The following THSD7B variants were observed in gnomAD, a reference collection of about 807,000 sequenced individuals.
The protein encoded by THSD7B is thrombospondin type-1 domain-containing protein 7B.
Under a neutral mutation model 213.6 loss-of-function variants are expected in THSD7B, and 138 were observed. That is an observed-to-expected ratio of 0.65 (90% CI 0.56 to 0.74). The LOEUF (loss-of-function observed/expected upper bound fraction) is 0.74, where lower values mean the gene tolerates loss of function less well. Ranked by LOEUF, THSD7B falls within the 30% of genes least tolerant of loss-of-function variation. The pLI is 0.00. For missense variants in THSD7B, 1,931 were observed against 1,991.5 expected (o/e 0.97, Z 0.58); for synonymous variants, 742 against 687.0 (o/e 1.08, Z -1.25).
rs756813547 is a variant in THSD7B, at chr2:137,450,813, AG to A, written c.2960-31del. The A allele has an allele frequency of 1.5e-5, 23 of 1,510,742 alleles. No homozygotes were observed. The East Asian group carries it at 5.1e-4, about 34-fold the overall frequency. 93.6% of individuals were successfully genotyped at this position (1,510,742 alleles called of 1,614,324 possible). A position where few individuals can be genotyped will look rare whatever the true frequency, so the allele number is the denominator to read the frequency against. On this transcript the variant is annotated intron_variant, in intron 14 of 27. Transcript: ENST00000409968. ...TGAATTTGATCAGTACATTTTAATCAGACTTTCTTCTCTTAAATCTTTTTCT... is the reference window on the plus strand; with the variant it reads ...TGAATTTGATCAGTACATTTTAATCAACTTTCTTCTCTTAAATCTTTTTCT...
At chr2:137,368,683 T>C (rs1252506510) in intron 12 of THSD7B, among the ~76,000 whole-genome samples, 1 of 152,180 alleles carries the variant, frequency 6.6e-6, no homozygotes, top group Non-Finnish European at 1.5e-5. Flanking sequence ...TGTGATCTAA[T>C]TTCCACAATT....
At chr2:137,206,912 A>AT (rs1474751844) in intron 7 of THSD7B, among the ~76,000 whole-genome samples, 1 of 152,094 alleles carries the variant, frequency 6.6e-6, no homozygotes, top group Non-Finnish European at 1.5e-5. Context: ...ATAAGGAAGG[A>AT]TTTCATCTAA....
At chr2:137,437,114 A>G (rs1687311093) in intron 14 of THSD7B, among the ~76,000 whole-genome samples, 1 of 152,074 alleles carries the variant, frequency 6.6e-6, no homozygotes. Context: ...TTTTTCCCAG[A>G]TCATCTTTTG....
chr2:137,058,383 C>T (rs1687207991), intron 3 of THSD7B, among the ~76,000 whole-genome samples: 1 of 152,112 alleles, frequency 6.6e-6, no homozygotes. Flanking sequence ...ATATTCCGTA[C>T]TGTATTGCTG....
At chr2:137,644,292 C>A (rs1415317092) in intron 21 of THSD7B, among the ~76,000 whole-genome samples, 1 of 152,110 alleles carries the variant, frequency 6.6e-6, no homozygotes, top group Non-Finnish European at 1.5e-5. Flanking sequence ...CTTCAATAAA[C>A]AAGTCTATAG....
At chr2:136,775,607 G>A (rs942101872) in intron 1 of THSD7B, among the ~76,000 whole-genome samples, 2 of 152,072 alleles carry the variant, frequency 1.3e-5, no homozygotes, top group African/African-American at 4.8e-5. Context: ...TATGGGAGGT[G>A]GGAAGTGGAG....
chr2:137,206,562 AG>A lies in THSD7B; in HGVS notation c.1724-24481del. 2.0e-5 allele frequency among the ~76,000 whole-genome samples: 3 copies of A among 152,194 alleles called. No individual in the cohort carries two copies. The East Asian group carries it at 5.8e-4, about 30-fold the overall frequency. On this transcript the variant is annotated intron_variant, in intron 7 of 27. Transcript: ENST00000409968. Reference sequence around the variant, plus strand: ...TGAATCCTAGTATCAGCATTTTAAAAGAGATCCCCAGGTGATTCTAATATGC... The same window carrying A: ...TGAATCCTAGTATCAGCATTTTAAAAAGATCCCCAGGTGATTCTAATATGC...
intron 7 of THSD7B, among the ~76,000 whole-genome samples, chr2:137,223,534 C>CA (rs1681420236): frequency 6.6e-6 from 1 of 152,162 alleles, no homozygotes; most frequent in African/African-American, 2.4e-5. Context: ...ACCCTGTTCT[C>CA]ACCCACCCTG....
rs11383871 is a variant in THSD7B at position 137,508,376 on chromosome 2, A to ATTTT, written c.3139-54828_3139-54825dup. On this transcript the variant is annotated intron_variant, in intron 15 of 27. Coordinates refer to ENST00000409968, the MANE Select transcript of THSD7B (RefSeq NM_001316349.2). ...TGCCAGGCTTCTGCTAAATAAAACA[A>ATTTT]TTTTTTTTTTTTTTTTTTTTGAGAC... Among the ~76,000 whole-genome samples the ATTTT allele has an allele frequency of 4.7e-4, 51 of 107,926 alleles. 1 individual carries two copies. The highest frequency in any genetic ancestry group is 7.7e-4 in the East Asian group (3 of 3,880). 70.8% of individuals were successfully genotyped at this position (107,926 alleles called of 152,430 possible). A position where few individuals can be genotyped will look rare whatever the true frequency, so the allele number is the denominator to read the frequency against.
At chr2:137,672,553 C>CTGTT (rs1159900477) in intron 27 of THSD7B, among the ~76,000 whole-genome samples, 2 of 152,180 alleles carry the variant, frequency 1.3e-5, no homozygotes, top group African/African-American at 4.8e-5. Context: ...GTACCTTTTA[C>CTGTT]TGTTACATAT....
At chr2:137,044,424 T>G (rs1224659264) in intron 2 of THSD7B, among the ~76,000 whole-genome samples, 2 of 152,160 alleles carry the variant, frequency 1.3e-5, no homozygotes, top group African/African-American at 4.8e-5. Flanking sequence ...ATGATGAACC[T>G]GTGACCACCA....
At chr2:137,430,197 T>C (rs1036853624) in intron 14 of THSD7B, among the ~76,000 whole-genome samples, 8 of 152,138 alleles carry the variant, frequency 5.3e-5, no homozygotes, top group Non-Finnish European at 1.2e-4. Context: ...CAGTGAGCTG[T>C]GATCATATCA....
At chr2:137,142,493 G>A (rs904462827) in intron 5 of THSD7B, among the ~76,000 whole-genome samples, 5 of 152,114 alleles carry the variant, frequency 3.3e-5, no homozygotes, top group African/African-American at 4.8e-5. Flanking sequence ...CATTCAAACC[G>A]TAGCAAGAAG....
chr2:137,407,715 G>A (rs540171925), intron 13 of THSD7B, among the ~76,000 whole-genome samples: 1 of 152,064 alleles, frequency 6.6e-6, no homozygotes, highest in African/African-American at 2.4e-5. Flanking sequence ...ATAAATACAA[G>A]CCACTTCATT....
chr2:137,013,243 T>C (rs1686263480), intron 2 of THSD7B, among the ~76,000 whole-genome samples: 1 of 152,166 alleles, frequency 6.6e-6, no homozygotes, highest in Admixed American at 6.5e-5. Flanking sequence ...ACAAAATATA[T>C]GAAACAATAG....
chr2:136,773,788 A>T (rs1371170331), intron 1 of THSD7B, among the ~76,000 whole-genome samples: 1 of 151,972 alleles, frequency 6.6e-6, no homozygotes, highest in Non-Finnish European at 1.5e-5. Context: ...CAGACTACAT[A>T]GTAGAGGGTT....
chr2:137,250,030 A>G (rs1682136233), intron 10 of THSD7B, among the ~76,000 whole-genome samples: 1 of 152,204 alleles, frequency 6.6e-6, no homozygotes, highest in African/African-American at 2.4e-5. Context: ...CAAAGGAGCA[A>G]AGACCAAGTT....
At chr2:137,113,371 CTT>C (rs2104936821) in intron 4 of THSD7B, among the ~76,000 whole-genome samples, 1 of 152,232 alleles carries the variant, frequency 6.6e-6, no homozygotes, top group South Asian at 2.1e-4. Flanking sequence ...ATGAACTTCT[CTT>C]TATTTCTCAT....
At chr2:137,530,060 T>A (rs1558828721) in intron 15 of THSD7B, among the ~76,000 whole-genome samples, 1 of 152,006 alleles carries the variant, frequency 6.6e-6, no homozygotes, top group Non-Finnish European at 1.5e-5. Flanking sequence ...TCTGGGCGAA[T>A]TAGAACTTGA....
Sources: gnomAD v4.1 joint callset for allele counts (sites outside exome capture counted in the v4.1 genomes callset) on GRCh38, gnomAD v4.1.1 for gene constraint, MANE v1.5 for transcripts, NCBI Gene and HGNC (gene_info 2026-07-23, HGNC 2026-07-21) for gene names.